Variants in KCNQ1 observed in about 807,000 individuals in gnomAD.
KCNQ1 encodes potassium voltage-gated channel subfamily KQT member 1.
In KCNQ1, 49 loss-of-function variants were observed where a neutral mutation model predicts 72.4. That is an observed-to-expected ratio of 0.68 (90% confidence interval 0.54 to 0.86). The LOEUF (loss-of-function observed/expected upper bound fraction) is 0.86. Among genes scored for constraint, KCNQ1 ranks in the 40% least tolerant of loss-of-function variants. The pLI, the probability that KCNQ1 is intolerant of heterozygous loss-of-function variation, is 0.00. For missense variants in KCNQ1, 790 were observed against 945.1 expected, an observed-to-expected ratio of 0.84 and a Z score of 2.15; for synonymous variants, 450 against 412.6, an observed-to-expected ratio of 1.09 and a Z score of -1.10.
rs1006468222 is a variant in KCNQ1 at position 2,482,060 on chromosome 11, A to G, written c.386+36576A>G. 6.6e-6 allele frequency among the ~76,000 whole-genome samples: 1 copy of G among 152,116 alleles called. No homozygotes were observed. Among genetic ancestry groups the G allele is most frequent in the African/African-American group, 2.4e-5 (1 of 41,426 alleles). ...TATGAATTTGTGCCTCAGTTTCTTC[A>G]TCTCTGAAACGGGAACGATGGGAGC... On this transcript the variant is annotated intron_variant, in intron 1 of 15. Transcript: ENST00000155840. The surrounding 1 kb of genome is among the most constrained non-coding windows in gnomAD (Gnocchi z 5.7).
Position 2,516,118 on chromosome 11 carries a change from T to A in KCNQ1, c.387-11810T>A, listed in dbSNP as rs1027197414. Among the ~76,000 whole-genome samples the A allele has an allele frequency of 6.6e-6, 1 of 151,966 alleles. No homozygotes were observed. The highest frequency in any genetic ancestry group is 6.6e-5 in the Admixed American group (1 of 15,260). The stretch of plus-strand genomic sequence containing the variant: ...CCACCACTCCAGGCTTACTTCTGGG[T>A]TGTAGTTTTCGGGGTGCTTCGAGGT... On this transcript the variant is annotated intron_variant, in intron 1 of 15. Coordinates refer to ENST00000155840, the MANE Select transcript of KCNQ1 (RefSeq NM_000218.3). The surrounding 1 kb of genome is among the most constrained non-coding windows in gnomAD (Gnocchi z 7.0).
intron 11 of KCNQ1, chr11:2,666,259 AC>A (rs772741540): frequency 1.0e-5 from 4 of 398,316 alleles, no homozygotes; most frequent in Non-Finnish European, 1.8e-5. Context: ...GAGGACCAGG[AC>A]CCCCGAGGCT....
At position 2,699,100 on chromosome 11, in the gene KCNQ1, C is replaced by A. The variant is rs1474428194; in HGVS notation, c.1514+37019C>A. ...GGATTCCCAACTTCCATCCCAATAG[C>A]GCGGACTCAGAACCACGATGCGGAT... On this transcript the variant is annotated intron_variant, in intron 11 of 15. Transcript: ENST00000155840. 6.3e-5 allele frequency: 25 copies of A among 398,532 alleles called. No individual in the cohort carries two copies. The East Asian group carries it at 8.2e-4, about 13-fold the overall frequency. 24.7% of individuals were successfully genotyped at this position (398,532 alleles called of 1,614,324 possible).
intron 10 of KCNQ1, among the ~76,000 whole-genome samples, chr11:2,606,007 C>T (rs1037715309): frequency 6.6e-6 from 1 of 152,026 alleles, no homozygotes; most frequent in Non-Finnish European, 1.5e-5. Context: ...AACTTATTCC[C>T]AAGGTATTTT....
intron 15 of KCNQ1, among the ~76,000 whole-genome samples, chr11:2,779,748 C>T (rs534603729): frequency 2.0e-4 from 30 of 152,322 alleles, no homozygotes; most frequent in African/African-American, 6.0e-4. Flanking sequence ...CCCTTCCTGA[C>T]GTGCACAGCA....
At chr11:2,511,014 C>T (rs1052023008) in intron 1 of KCNQ1, among the ~76,000 whole-genome samples, 3 of 152,210 alleles carry the variant, frequency 2.0e-5, no homozygotes, top group South Asian at 2.1e-4. Flanking sequence ...GAGACGTCAC[C>T]CTTTCTCTTT....
Position 2,496,464 on chromosome 11 carries a change from T to TA in KCNQ1, c.387-31464_387-31463insA, listed in dbSNP as rs199852347. Among the ~76,000 whole-genome samples the TA allele has an allele frequency of 4.6e-3, 634 of 139,040 alleles. 3 individuals carry two copies. Among genetic ancestry groups the TA allele is most frequent in the South Asian group, 0.021 (89 of 4,312 alleles). The allele number at this position is 139,040 out of a possible 152,430, so 91.2% of individuals were successfully genotyped here. A position where few individuals can be genotyped will look rare whatever the true frequency, so the allele number is the denominator to read the frequency against. On this transcript the variant is annotated intron_variant, in intron 1 of 15. Transcript: ENST00000155840. ...AAAAAATAAAAAATAAAAAATAAAA[T>TA]TAAAAAAAATGGCTAGGATCACAAC...
rs1433261625 is a variant in KCNQ1, at chr11:2,481,432, T to G, written c.386+35948T>G. On this transcript the variant is annotated intron_variant, in intron 1 of 15. Coordinates refer to ENST00000155840, the MANE Select transcript of KCNQ1 (RefSeq NM_000218.3). The surrounding 1 kb of genome is among the most constrained non-coding windows in gnomAD (Gnocchi z 4.6). ...AAGGGCGTGTACACACACAGTGCAG[T>G]CAGGAGTGAGTTGCACGTCTACAGC... Among the ~76,000 whole-genome samples, 1 of 152,152 alleles carries G rather than the reference T, an allele frequency of 6.6e-6. No individual in the cohort carries two copies. Among genetic ancestry groups the G allele is most frequent in the Non-Finnish European group, 1.5e-5 (1 of 68,024 alleles).
chr11:2,807,600 G>A (rs1041287529), intron 15 of KCNQ1, among the ~76,000 whole-genome samples: 9 of 152,232 alleles, frequency 5.9e-5, no homozygotes, highest in African/African-American at 1.2e-4. Context: ...AGGCCTTCCC[G>A]CCCAGTGCCT....
intron 10 of KCNQ1, among the ~76,000 whole-genome samples, chr11:2,597,067 C>T (rs941235347): frequency 4.6e-5 from 7 of 151,976 alleles, no homozygotes; most frequent in African/African-American, 1.7e-4. Context: ...AAAGGAAATA[C>T]CAATAATTCT....
intron 2 of KCNQ1, among the ~76,000 whole-genome samples, chr11:2,542,308 G>A (rs946709569): frequency 6.6e-6 from 1 of 152,258 alleles, no homozygotes; most frequent in Non-Finnish European, 1.5e-5. Flanking sequence ...CTCCCCTGGC[G>A]GGGGCGGGGA....
intron 2 of KCNQ1, among the ~76,000 whole-genome samples, chr11:2,553,739 G>C (rs542535022): frequency 1.3e-5 from 2 of 150,970 alleles, no homozygotes; most frequent in African/African-American, 2.4e-5. Flanking sequence ...TTTTGAGATG[G>C]AGTCTTGGTC....
intron 10 of KCNQ1, chr11:2,649,963 G>T (rs887847719): frequency 2.5e-6 from 1 of 398,398 alleles, no homozygotes; most frequent in Non-Finnish European, 4.4e-6. Context: ...CATATGTCAC[G>T]CAGGCATTCT....
intron 11 of KCNQ1, among the ~76,000 whole-genome samples, chr11:2,751,570 G>A (rs949021388): frequency 2.0e-5 from 3 of 152,268 alleles, no homozygotes; most frequent in Admixed American, 6.5e-5. Context: ...GCACCATCCC[G>A]GCCAACAGGC....
intron 11 of KCNQ1, chr11:2,675,513 C>T (rs945465744): frequency 7.5e-6 from 3 of 398,524 alleles, no homozygotes; most frequent in Middle Eastern, 6.2e-4. Flanking sequence ...CACAACATGC[C>T]ATACACATTT....
Position 2,544,284 on chromosome 11 carries a change from A to G in KCNQ1, c.477+16266A>G, listed in dbSNP as rs948937305. The stretch of plus-strand genomic sequence containing the variant: ...TGTGTGTGTGTGTATATATATGTGT[A>G]TATATATATGTATATATGTGTATAT... On this transcript the variant is annotated intron_variant, in intron 2 of 15. Coordinates refer to ENST00000155840, the MANE Select transcript of KCNQ1 (RefSeq NM_000218.3). The surrounding 1 kb of genome is among the most constrained non-coding windows in gnomAD (Gnocchi z 4.4). 1.1e-4 allele frequency among the ~76,000 whole-genome samples: 15 copies of G among 136,422 alleles called. No homozygotes were observed. Among genetic ancestry groups the G allele is most frequent in the South Asian group, 4.7e-4 (2 of 4,246 alleles). 89.5% of individuals were successfully genotyped at this position (136,422 alleles called of 152,430 possible).
At chr11:2,577,509 G>C (rs1848440077) in intron 6 of KCNQ1, among the ~76,000 whole-genome samples, 1 of 152,220 alleles carries the variant, frequency 6.6e-6, no homozygotes, top group Admixed American at 6.5e-5. Flanking sequence ...TTCACCACCA[G>C]CCCGTGTGTG....
chr11:2,585,164 C>T (rs755756136), intron 7 of KCNQ1, 48 bp from the exon 8 acceptor site: 7 of 1,523,130 alleles, frequency 4.6e-6, no homozygotes, highest in Non-Finnish European at 5.5e-6. Context: ...CTGCACCCAG[C>T]TGGCAGTGGC....
At chr11:2,765,260 G>A (rs1343254994) in intron 11 of KCNQ1, among the ~76,000 whole-genome samples, 1 of 152,012 alleles carries the variant, frequency 6.6e-6, no homozygotes, top group African/African-American at 2.4e-5. Flanking sequence ...TTTGACCCCT[G>A]GGTTATTTAG....
Sources: allele counts gnomAD v4.1 joint callset (sites outside exome capture counted in the v4.1 genomes callset), GRCh38; gene constraint gnomAD v4.1.1; non-coding constraint Gnocchi (gnomAD v3.1); transcripts MANE v1.5; gene names NCBI Gene and HGNC (gene_info 2026-07-23, HGNC 2026-07-21).